Variants in TLL1 observed in about 807,000 individuals in gnomAD.
TLL1 encodes the protein tolloid like 1.
In TLL1, 49 loss-of-function variants were observed where a neutral mutation model predicts 128.2. The observed-to-expected ratio is 0.38, with a 90% CI of 0.30 to 0.48. The LOEUF (loss-of-function observed/expected upper bound fraction) is 0.48. Among genes scored for constraint, TLL1 ranks in the 20% least tolerant of loss-of-function variants. TLL1 has a pLI of 0.96. For missense variants in TLL1, 1,123 were observed against 1,242.0 expected (o/e 0.90, Z 1.44); for synonymous variants, 454 against 418.8 (o/e 1.08, Z -1.03).
intron 5 of TLL1, among the ~76,000 whole-genome samples, chr4:166,000,680 A>AGG (rs1346472139): frequency 7.9e-5 from 12 of 152,210 alleles, no homozygotes; most frequent in Non-Finnish European, 1.6e-4. Context: ...TTAAGGTAGC[A>AGG]AATATTTTAG....
chr4:165,950,249 T>C (rs540201917), intron 1 of TLL1, among the ~76,000 whole-genome samples: 15 of 152,274 alleles, frequency 9.9e-5, no homozygotes, highest in Non-Finnish European at 1.8e-4. Context: ...TTTGTTGTTT[T>C]ATTTATTTTT....
At chr4:165,935,505 C>T (rs1018306703) in intron 1 of TLL1, among the ~76,000 whole-genome samples, 3 of 152,142 alleles carry the variant, frequency 2.0e-5, no homozygotes, top group Non-Finnish European at 4.4e-5. Flanking sequence ...AAATAAAAAA[C>T]ATACAGCTTA....
intron 1 of TLL1, among the ~76,000 whole-genome samples, chr4:165,921,670 G>A (rs1224722391): frequency 6.6e-6 from 1 of 152,136 alleles, no homozygotes; most frequent in Non-Finnish European, 1.5e-5. Flanking sequence ...ACAAGGTGAC[G>A]TTCTAAGCCA....
At chr4:165,980,382 C>A (rs1736102173) in intron 1 of TLL1, among the ~76,000 whole-genome samples, 1 of 152,066 alleles carries the variant, frequency 6.6e-6, no homozygotes, top group Non-Finnish European at 1.5e-5. Context: ...TTGCATCTCC[C>A]CAGGAACATC....
intron 1 of TLL1, among the ~76,000 whole-genome samples, chr4:165,945,588 T>C (rs947168716): frequency 2.0e-5 from 3 of 152,102 alleles, no homozygotes; most frequent in African/African-American, 7.2e-5. Context: ...ATAGGTGATA[T>C]AAAGTATGAA....
intron 5 of TLL1, among the ~76,000 whole-genome samples, chr4:166,003,032 G>T (rs1462328059): frequency 6.6e-6 from 1 of 152,008 alleles, no homozygotes; most frequent in African/African-American, 2.4e-5. Flanking sequence ...GTGTATTGAT[G>T]GCTTCAGCTT....
At chr4:166,029,890 T>A (rs1738678970) in intron 9 of TLL1, among the ~76,000 whole-genome samples, 1 of 152,112 alleles carries the variant, frequency 6.6e-6, no homozygotes, top group Non-Finnish European at 1.5e-5. Flanking sequence ...CTTTCATTCA[T>A]TGGTAGACAT....
intron 1 of TLL1, among the ~76,000 whole-genome samples, chr4:165,967,876 T>C (rs1334404352): frequency 6.6e-6 from 1 of 152,210 alleles, no homozygotes; most frequent in African/African-American, 2.4e-5. Flanking sequence ...TTTAAGGCAA[T>C]AGATAGACTT....
intron 16 of TLL1, among the ~76,000 whole-genome samples, chr4:166,072,192 C>T (rs1480366685): frequency 6.6e-6 from 1 of 151,938 alleles, no homozygotes. Flanking sequence ...TATATTCTAG[C>T]CGCCTAACAG....
At chr4:165,888,622 G>A (rs1240508032) in intron 1 of TLL1, among the ~76,000 whole-genome samples, 1 of 151,496 alleles carries the variant, frequency 6.6e-6, no homozygotes, top group Non-Finnish European at 1.5e-5. Context: ...GAGTGTATTA[G>A]GCTTCTGTCA....
intron 5 of TLL1, among the ~76,000 whole-genome samples, chr4:166,001,487 T>C (rs954150602): frequency 1.3e-5 from 2 of 152,000 alleles, no homozygotes; most frequent in African/African-American, 2.4e-5. Flanking sequence ...ATATTTTGGA[T>C]AGAAAAACAT....
At chr4:165,954,780 G>A (rs772202274) in intron 1 of TLL1, among the ~76,000 whole-genome samples, 1 of 152,040 alleles carries the variant, frequency 6.6e-6, no homozygotes, top group Non-Finnish European at 1.5e-5. Context: ...AGAGAAATAA[G>A]GAATATAGAA....
At chr4:165,902,367 T>A (rs1006741001) in intron 1 of TLL1, among the ~76,000 whole-genome samples, 3 of 152,132 alleles carry the variant, frequency 2.0e-5, no homozygotes, top group African/African-American at 7.2e-5. Context: ...TCTGCTCAAA[T>A]GGCTGCCCAG....
chr4:165,917,859 A>G lies in TLL1; in HGVS notation c.169+43786A>G, dbSNP rs963887815. On this transcript the variant is annotated intron_variant, in intron 1 of 20. Transcript: ENST00000061240. ...CAAAATGTAAGAATTATAGAATTGT[A>G]GCCTTGCATAACTCAAAATGTGAGA... is the stretch of plus-strand genomic sequence containing the variant. 2.0e-5 allele frequency among the ~76,000 whole-genome samples: 3 copies of G among 152,206 alleles called. No homozygotes were observed. In the East Asian group the frequency reaches 5.8e-4, roughly 29 times the overall value.
chr4:166,015,483 G>A (rs1344851070), intron 8 of TLL1, among the ~76,000 whole-genome samples: 1 of 151,920 alleles, frequency 6.6e-6, no homozygotes, highest in Non-Finnish European at 1.5e-5. Context: ...AATTGGTTAT[G>A]TTTATTTATA....
In TLL1 at chr4:166,049,928, A is replaced by G. The variant is rs377064109; in HGVS notation, c.1525-5148A>G. Among the ~76,000 whole-genome samples the G allele has an allele frequency of 1.4e-4, 22 of 152,208 alleles. No individual in the cohort carries two copies. The East Asian group carries it at 4.1e-3, about 28-fold the overall frequency. ...AGCTTTAACATTGCTCCAAGCGTAT[A>G]TCATTTAAAATAATACTATCTATAC... On this transcript the variant is annotated intron_variant, in intron 12 of 20. Coordinates refer to ENST00000061240, the MANE Select transcript of TLL1 (RefSeq NM_012464.5).
intron 1 of TLL1, among the ~76,000 whole-genome samples, chr4:165,959,320 G>A (rs1000112104): frequency 1.3e-5 from 2 of 152,010 alleles, no homozygotes; most frequent in Non-Finnish European, 2.9e-5. Flanking sequence ...CCATTTTCAC[G>A]ATGTTGATTC....
intron 7 of TLL1, among the ~76,000 whole-genome samples, chr4:166,010,322 A>G (rs1190808974): frequency 6.6e-6 from 1 of 151,300 alleles, no homozygotes; most frequent in African/African-American, 2.4e-5. Context: ...TTATTTGAAT[A>G]GTAGCCATTC....
At chr4:166,069,385 T>C (rs574363084) in intron 16 of TLL1, among the ~76,000 whole-genome samples, 8 of 151,846 alleles carry the variant, frequency 5.3e-5, no homozygotes, top group Non-Finnish European at 8.9e-5. Flanking sequence ...ACACTCTTTT[T>C]CCAAGAACTT....
Sources: allele counts gnomAD v4.1 joint callset (sites outside exome capture counted in the v4.1 genomes callset), GRCh38; gene constraint gnomAD v4.1.1; transcripts MANE v1.5; gene names NCBI Gene and HGNC (gene_info 2026-07-23, HGNC 2026-07-21).